The following GLT1D1 variants were observed in gnomAD, a reference collection of about 807,000 sequenced individuals.
The protein encoded by GLT1D1 is glycosyltransferase 1 domain-containing protein 1.
A neutral mutation model predicts 28.7 loss-of-function variants in GLT1D1; 21 were observed. The ratio of observed to expected loss-of-function variants is 0.73; its 90% confidence interval spans 0.52 to 1.05. The LOEUF is 1.05. Ranked by LOEUF, GLT1D1 falls within the 50% of genes least tolerant of loss-of-function variation. The pLI is 0.00. For synonymous variants in GLT1D1, 147 were observed against 124.8 expected (o/e 1.18, Z -1.19); for missense variants, 343 against 330.6 (o/e 1.04, Z -0.29).
At chr12:128,980,755 G>A (rs2135560005) in intron 7 of GLT1D1, among the ~76,000 whole-genome samples, 1 of 152,328 alleles carries the variant, frequency 6.6e-6, no homozygotes, top group Admixed American at 6.5e-5. Flanking sequence ...TGTGTGGAAG[G>A]CAGACGGCAT....
chr12:128,960,043 T>C (rs470477), intron 7 of GLT1D1, among the ~76,000 whole-genome samples: 105,659 of 152,050 alleles, frequency 0.69, 36,955 homozygotes, highest in Admixed American at 0.77. Flanking sequence ...CTGCAAATCA[T>C]TATCGTGCCG....
chr12:128,904,012 G>A (rs924865539), intron 4 of GLT1D1, among the ~76,000 whole-genome samples: 2 of 151,896 alleles, frequency 1.3e-5, no homozygotes, highest in African/African-American at 4.9e-5. Flanking sequence ...ACAGGCATGA[G>A]CCACTGTGCC....
At chr12:128,948,071 C>A (rs950428170) in intron 6 of GLT1D1, among the ~76,000 whole-genome samples, 7 of 152,082 alleles carry the variant, frequency 4.6e-5, no homozygotes, top group African/African-American at 7.2e-5. Flanking sequence ...TTTTCAGGAC[C>A]GAGGCTGGAG....
At chr12:128,864,647 T>TAGAG in intron 1 of GLT1D1, among the ~76,000 whole-genome samples, 3 of 152,112 alleles carry the variant, frequency 2.0e-5, no homozygotes, top group Non-Finnish European at 4.4e-5. Context: ...AGAGCCTGAT[T>TAGAG]CGGGGAGGAT....
intron 6 of GLT1D1, among the ~76,000 whole-genome samples, chr12:128,949,794 G>A (rs1232450196): frequency 6.6e-6 from 1 of 151,574 alleles, no homozygotes; most frequent in Non-Finnish European, 1.5e-5. Flanking sequence ...TCACACACAT[G>A]CACCTACAGA....
chr12:128,867,326 G>A (rs1287125407), intron 1 of GLT1D1, among the ~76,000 whole-genome samples: 2 of 148,446 alleles, frequency 1.3e-5, no homozygotes, highest in Admixed American at 1.4e-4. Context: ...GAACCCGGGA[G>A]GCAGAGGTTG....
chr12:128,908,907 C>T (rs1314816839), intron 4 of GLT1D1, among the ~76,000 whole-genome samples: 1 of 152,108 alleles, frequency 6.6e-6, no homozygotes, highest in East Asian at 1.9e-4. Flanking sequence ...CGAGATCGCG[C>T]CCCTGCACTC....
chr12:128,983,674 T>C lies in GLT1D1; in HGVS notation c.*584T>C, dbSNP rs1164131521. The C allele has an allele frequency of 1.3e-5, 2 of 152,262 alleles. No homozygotes were observed. Among genetic ancestry groups the C allele is most frequent in the Non-Finnish European group, 2.9e-5 (2 of 68,098 alleles). The allele number at this position is 152,262 out of a possible 1,614,324, so 9.4% of individuals were successfully genotyped here. A position where few individuals can be genotyped will look rare whatever the true frequency, so the allele number is the denominator to read the frequency against. On this transcript the variant is annotated 3_prime_UTR_variant, in exon 8 of 8. Coordinates refer to ENST00000281703, the MANE Select transcript of GLT1D1 (RefSeq NM_144669.3). The surrounding 1 kb of genome is among the most constrained non-coding windows in gnomAD (Gnocchi z 4.7). ...CACTTTTCAATGGTGGAATTGAAAG[T>C]TGTGCTTTTTAGAAAAGTGGCCAGG...
chr12:128,946,929 G>T (rs1876181532), intron 5 of GLT1D1, among the ~76,000 whole-genome samples: 1 of 151,214 alleles, frequency 6.6e-6, no homozygotes, highest in Non-Finnish European at 1.5e-5. Flanking sequence ...GATTACAGGT[G>T]TGAGCCACTG....
At chr12:128,949,519 A>G (rs1184937968) in intron 6 of GLT1D1, among the ~76,000 whole-genome samples, 1 of 152,134 alleles carries the variant, frequency 6.6e-6, no homozygotes, top group Non-Finnish European at 1.5e-5. Flanking sequence ...AATTAGCTGT[A>G]TTTTCCCATG....
intron 4 of GLT1D1, among the ~76,000 whole-genome samples, chr12:128,928,564 C>T (rs1166454741): frequency 6.6e-6 from 1 of 151,724 alleles, no homozygotes; most frequent in Non-Finnish European, 1.5e-5. Context: ...CTAGTGTTTC[C>T]AGCCAGACAG....
chr12:128,938,281 G>C (rs969541356), intron 4 of GLT1D1, among the ~76,000 whole-genome samples: 1 of 152,188 alleles, frequency 6.6e-6, no homozygotes, highest in Non-Finnish European at 1.5e-5. Context: ...CACAGAGTAG[G>C]TGGCCGAGAA....
At chr12:128,875,833 A>G (rs541998580) in intron 1 of GLT1D1, 81 bp from the exon 2 acceptor site, 2 of 1,321,698 alleles carry the variant, frequency 1.5e-6, no homozygotes, top group South Asian at 2.8e-5. Flanking sequence ...AAAAAAAAAA[A>G]AAGTCTTAAC....
intron 4 of GLT1D1, 144 bp from the exon 6 acceptor site, chr12:128,914,789 C>A: frequency 3.2e-6 from 2 of 623,244 alleles, no homozygotes; most frequent in South Asian, 2.1e-5. Context: ...CACTGCACTG[C>A]AGCCTGGGTG....
intron 7 of GLT1D1, among the ~76,000 whole-genome samples, chr12:128,982,244 T>G (rs1002917499): frequency 2.6e-5 from 4 of 151,848 alleles, no homozygotes; most frequent in Admixed American, 6.6e-5. Flanking sequence ...GGACTTGGGG[T>G]AGGGCTGGGT....
intron 2 of GLT1D1, among the ~76,000 whole-genome samples, chr12:128,883,269 A>G (rs115180654): frequency 0.014 from 2,121 of 151,882 alleles, 55 homozygotes; most frequent in African/African-American, 0.049. Context: ...CTAATAAGGA[A>G]GCAGATAAGG....
intron 2 of GLT1D1, among the ~76,000 whole-genome samples, chr12:128,888,355 T>C (rs1440770530): frequency 2.0e-5 from 3 of 152,236 alleles, no homozygotes; most frequent in Admixed American, 6.5e-5. Flanking sequence ...CTTTGATTGA[T>C]AGATGAGGCT....
chr12:128,866,254 A>G (rs1297315341), intron 1 of GLT1D1, among the ~76,000 whole-genome samples: 3 of 146,322 alleles, frequency 2.1e-5, no homozygotes, highest in African/African-American at 8.3e-5. Context: ...ATTTTTTAGT[A>G]GCAACCTGGT....
At chr12:128,897,489 G>A (rs1869774584) in intron 3 of GLT1D1, among the ~76,000 whole-genome samples, 1 of 151,858 alleles carries the variant, frequency 6.6e-6, no homozygotes, top group African/African-American at 2.4e-5. Context: ...TTTATGCTCA[G>A]AAAACCTTTC....
Sources: allele counts gnomAD v4.1 joint callset (sites outside exome capture counted in the v4.1 genomes callset), GRCh38; gene constraint gnomAD v4.1.1; non-coding constraint Gnocchi (gnomAD v3.1); transcripts MANE v1.5; gene names NCBI Gene and HGNC (gene_info 2026-07-23, HGNC 2026-07-21).